Variants in TLL1 observed in about 807,000 individuals in gnomAD.
TLL1 encodes tolloid-like protein 1.
TLL1 carries 49 observed loss-of-function variants against 128.2 expected under a neutral mutation model. That is an observed-to-expected ratio of 0.38 (90% CI 0.30 to 0.48). TLL1 has a LOEUF of 0.48. TLL1 is among the 20% of genes least tolerant of loss of function. TLL1 has a pLI of 0.96. For synonymous variants in TLL1, 454 were observed against 418.8 expected (o/e 1.08, Z -1.03); for missense variants, 1,123 against 1,242.0 (o/e 0.90, Z 1.44).
At chr4:165,969,846 A>T (rs1021772492) in intron 1 of TLL1, among the ~76,000 whole-genome samples, 1 of 152,116 alleles carries the variant, frequency 6.6e-6, no homozygotes, top group Non-Finnish European at 1.5e-5. Flanking sequence ...TCGTCCTTTG[A>T]AGAATCTTGT....
At chr4:166,030,247 C>T (rs895136036) in intron 9 of TLL1, among the ~76,000 whole-genome samples, 4 of 152,062 alleles carry the variant, frequency 2.6e-5, no homozygotes, top group African/African-American at 4.8e-5. Flanking sequence ...GACTAGTGAA[C>T]ATCTTCTAGT....
chr4:166,058,587 C>A (rs113099927), intron 14 of TLL1, among the ~76,000 whole-genome samples: 1 of 151,670 alleles, frequency 6.6e-6, no homozygotes, highest in Non-Finnish European at 1.5e-5. Flanking sequence ...TTTTATTTTC[C>A]CTGCCTCCAC....
chr4:165,964,488 A>G (rs538774225), intron 1 of TLL1, among the ~76,000 whole-genome samples: 3 of 152,316 alleles, frequency 2.0e-5, no homozygotes, highest in East Asian at 3.9e-4. Context: ...CTTTAAATTC[A>G]TCATGCAGAT....
chr4:166,090,323 A>G (rs1442961402), intron 18 of TLL1, among the ~76,000 whole-genome samples: 1 of 152,090 alleles, frequency 6.6e-6, no homozygotes, highest in Admixed American at 6.6e-5. Flanking sequence ...AATAGCTTGG[A>G]CAATATTATT....
chr4:166,075,638 CAATA>C, intron 17 of TLL1, among the ~76,000 whole-genome samples: 1 of 152,270 alleles, frequency 6.6e-6, no homozygotes, highest in Non-Finnish European at 1.5e-5. Context: ...TGGATGAGAA[CAATA>C]AATAGTTATT....
At chr4:166,012,045 A>G (rs1047216242) in intron 7 of TLL1, among the ~76,000 whole-genome samples, 16 of 151,592 alleles carry the variant, frequency 1.1e-4, no homozygotes, top group Non-Finnish European at 1.5e-5. Flanking sequence ...ACAGGAATGT[A>G]TCTATAGGGT....
At chr4:165,901,570 G>A (rs777365268) in intron 1 of TLL1, among the ~76,000 whole-genome samples, 7 of 152,138 alleles carry the variant, frequency 4.6e-5, no homozygotes, top group African/African-American at 9.7e-5. Context: ...TATCACTAGC[G>A]GAGGCTGCAG....
chr4:166,045,687 C>T (rs567097604), intron 12 of TLL1, among the ~76,000 whole-genome samples: 1 of 152,122 alleles, frequency 6.6e-6, no homozygotes, highest in Admixed American at 6.6e-5. Flanking sequence ...GGCCACGGTA[C>T]TTTTGATTGG....
At chr4:165,919,803 C>T (rs771399460) in intron 1 of TLL1, 14 of 456,068 alleles carry the variant, frequency 3.1e-5, no homozygotes, top group South Asian at 2.2e-4. Context: ...AACACTCACT[C>T]TGGGATACTA....
chr4:166,010,051 T>C (rs1036711935), intron 7 of TLL1, among the ~76,000 whole-genome samples: 1 of 151,472 alleles, frequency 6.6e-6, no homozygotes, highest in African/African-American at 2.4e-5. Context: ...TTTGATATTG[T>C]ATATAACTGG....
At position 166,015,834 on chromosome 4, in the gene TLL1, T is replaced by G. The variant is rs1368166617; in HGVS notation, c.1042+1274T>G. Among the ~76,000 whole-genome samples, 4 of 151,012 alleles carry G rather than the reference T, an allele frequency of 2.6e-5. No homozygotes were observed. In the South Asian group the frequency reaches 8.5e-4, roughly 32 times the overall value. On this transcript the variant is annotated intron_variant, in intron 8 of 20. Transcript: ENST00000061240. ...TCCTATTCCTTAATACTAGATTTGC[T>G]AAGGAAAATTGTAAGAAATTATGTT...
intron 1 of TLL1, among the ~76,000 whole-genome samples, chr4:165,944,488 G>A (rs115236104): frequency 7.1e-4 from 108 of 152,266 alleles, no homozygotes; most frequent in African/African-American, 2.3e-3. Flanking sequence ...ACTATGGCAT[G>A]AGGTGAGATT....
chr4:166,025,198 A>G (rs977236463), intron 8 of TLL1, 118 bp from the exon 9 acceptor site: 6 of 720,374 alleles, frequency 8.3e-6, no homozygotes, highest in Admixed American at 7.0e-5. Flanking sequence ...AACGTCTTCT[A>G]TAAAAGACAA....
At chr4:166,071,192 G>A (rs964954552) in intron 16 of TLL1, among the ~76,000 whole-genome samples, 1 of 151,838 alleles carries the variant, frequency 6.6e-6, no homozygotes, top group African/African-American at 2.4e-5. Context: ...AGATAAGGAA[G>A]CTTTCTGCAA....
At chr4:166,039,611 G>T (rs528409481) in intron 10 of TLL1, among the ~76,000 whole-genome samples, 170 bp downstream of exon 10, 3 of 151,998 alleles carry the variant, frequency 2.0e-5, no homozygotes, top group African/African-American at 7.2e-5. Flanking sequence ...AAGACAAATG[G>T]ATAAATACAT....
intron 16 of TLL1, among the ~76,000 whole-genome samples, chr4:166,066,575 A>G (rs1740584608): frequency 6.6e-6 from 1 of 151,832 alleles, no homozygotes; most frequent in Non-Finnish European, 1.5e-5. Context: ...ATTTAGAGCA[A>G]CTGAATTCCA....
rs192688215 is a variant in TLL1, at chr4:165,886,994, T to C, written c.169+12921T>C. ...TAAAAGTTGAAGCTGTGAAAGTTCT[T>C]GAATTTTATGAAAATACAGGAAGTG... On this transcript the variant is annotated intron_variant, in intron 1 of 20. Coordinates refer to ENST00000061240, the MANE Select transcript of TLL1 (RefSeq NM_012464.5). Among the ~76,000 whole-genome samples, 90 of 152,332 alleles carry C rather than the reference T, an allele frequency of 5.9e-4. 1 individual carries two copies. Among genetic ancestry groups the C allele is most frequent in the Admixed American group, 5.4e-3 (82 of 15,296 alleles).
At chr4:165,981,843 C>T (rs1000958659) in intron 1 of TLL1, among the ~76,000 whole-genome samples, 1 of 151,984 alleles carries the variant, frequency 6.6e-6, no homozygotes, top group Admixed American at 6.6e-5. Flanking sequence ...TAAAGTGTAT[C>T]ATCTCTGTGT....
At chr4:166,076,334 A>T (rs1199869557) in intron 17 of TLL1, among the ~76,000 whole-genome samples, 1 of 151,892 alleles carries the variant, frequency 6.6e-6, no homozygotes, top group African/African-American at 2.4e-5. Flanking sequence ...CGGCCTCCCA[A>T]AGTGCTGGGA....
Sources: gnomAD v4.1 joint callset for allele counts (sites outside exome capture counted in the v4.1 genomes callset) on GRCh38, gnomAD v4.1.1 for gene constraint, MANE v1.5 for transcripts, NCBI Gene and HGNC (gene_info 2026-07-23, HGNC 2026-07-21) for gene names.